FGL2: variants seen among roughly 807,000 people sequenced by gnomAD.
The protein encoded by FGL2 is fibrinogen like 2.
A neutral mutation model predicts 36.0 loss-of-function variants in FGL2; 21 were observed. That is an observed-to-expected ratio of 0.58 (90% CI 0.41 to 0.84). The LOEUF is 0.84. Among genes scored for constraint, FGL2 ranks in the 40% least tolerant of loss-of-function variants. FGL2 has a pLI of 0.00. For missense variants in FGL2, 444 were observed against 526.3 expected (o/e 0.84, Z 1.53); for synonymous variants, 183 against 190.7 (o/e 0.96, Z 0.33).
rs1318904630 is a variant in FGL2, at chr7:77,199,732, AC to A, written c.61del (p.Val21LeufsTer21). 2 of 1,614,108 alleles carry A rather than the reference AC, an allele frequency of 1.2e-6. No individual in the cohort carries two copies. The highest frequency in any genetic ancestry group is 1.7e-5 in the Admixed American group (1 of 60,006). ...TTCCTCTGTTTCATTGTTTGCCACAACCAAAAAACCGTAAGTGGCAAGAACA... is the reference window on the plus strand; with the variant it reads ...TTCCTCTGTTTCATTGTTTGCCACAACAAAAAACCGTAAGTGGCAAGAACA... ...SAVLATYGFL[V>X]VANNETEEIK... On this transcript the variant is annotated frameshift_variant, in exon 1 of 2. Coordinates refer to ENST00000248598, the MANE Select transcript of FGL2 (RefSeq NM_006682.3). LOFTEE classifies it high-confidence loss of function.
chr7:77,194,517 G>A lies in FGL2; in HGVS notation c.*1762C>T, dbSNP rs1051947690. The A allele has an allele frequency of 6.6e-6, 1 of 151,902 alleles. No individual in the cohort carries two copies. Among genetic ancestry groups the A allele is most frequent in the African/African-American group, 2.4e-5 (1 of 41,394 alleles). The allele number at this position is 151,902 out of a possible 1,614,324, so 9.4% of individuals were successfully genotyped here. A position where few individuals can be genotyped will look rare whatever the true frequency, so the allele number is the denominator to read the frequency against. On this transcript the variant is annotated 3_prime_UTR_variant, in exon 2 of 2. Transcript: ENST00000248598. ...TGTGATATATCATGTTTAACTGAAA[G>A]CTTTGGGTTATATATTTTAAAGGAA...
chr7:77,194,682 G>T lies in FGL2; in HGVS notation c.*1597C>A, dbSNP rs1005851408. 2 of 151,864 alleles carry T rather than the reference G, an allele frequency of 1.3e-5. No homozygotes were observed. The highest frequency in any genetic ancestry group is 2.9e-5 in the Non-Finnish European group (2 of 67,912). 9.4% of individuals were successfully genotyped at this position (151,864 alleles called of 1,614,324 possible). A position where few individuals can be genotyped will look rare whatever the true frequency, so the allele number is the denominator to read the frequency against. On this transcript the variant is annotated 3_prime_UTR_variant, in exon 2 of 2. Transcript: ENST00000248598. ...TTTGTAAATATATTTTGAAAACTTG[G>T]TTAGTGTATTAGAAACAGACACCAG...
Position 77,196,868 on chromosome 7 carries a change from A to G in FGL2, c.731T>C (p.Met244Thr), listed in dbSNP as rs1248558346. Reference protein sequence around the residue: ...KNSSFEVYCDMETMGGGWTVL... With the variant: ...KNSSFEVYCDTETMGGGWTVL... ...TGTCCAGCCTCCCCCCATGGTCTCCATGTCACAGTAAACTTCAAAGCTACT... is the reference window on the plus strand; with the variant it reads ...TGTCCAGCCTCCCCCCATGGTCTCCGTGTCACAGTAAACTTCAAAGCTACT... Residue 244 changes from methionine to threonine, a missense_variant, in exon 2 of 2, where the codon ATG (methionine) becomes ACG (threonine). By Grantham distance (81) the Met-to-Thr change is moderately conservative. Transcript: ENST00000248598. The surrounding 1 kb of genome is among the most constrained non-coding windows in gnomAD (Gnocchi z 4.2). 1.9e-6 allele frequency: 3 copies of G among 1,613,624 alleles called. No individual in the cohort carries two copies. Among genetic ancestry groups the G allele is most frequent in the East Asian group, 4.5e-5 (2 of 44,836 alleles).
At position 77,196,906 on chromosome 7, in the gene FGL2, A is replaced by G; in HGVS notation, c.693T>C (p.Pro231=). ...KRSSETYRVT[P]DPKNSSFEVY... is the part of the protein sequence containing the mutation. ...CTTCAAAGCTACTATTTTTGGGATC[A>G]GGTGTAACTCTGTAGGTCTCACTGC... Residue 231 remains proline (P), a synonymous_variant, in exon 2 of 2, where the codon CCT becomes CCC. Coordinates refer to ENST00000248598, the MANE Select transcript of FGL2 (RefSeq NM_006682.3). This position sits in a 1 kb window ranked among gnomAD's most constrained non-coding sequence, Gnocchi z 4.2. The G allele has an allele frequency of 6.2e-7, 1 of 1,613,956 alleles. No homozygotes were observed. Among genetic ancestry groups the G allele is most frequent in the Non-Finnish European group, 8.5e-7 (1 of 1,179,960 alleles).
Position 77,193,399 on chromosome 7 carries a change from T to G in FGL2, c.*2880A>C, listed in dbSNP as rs1419380525. 1.3e-5 allele frequency: 2 copies of G among 152,234 alleles called. No individual in the cohort carries two copies. The highest frequency in any genetic ancestry group is 2.9e-5 in the Non-Finnish European group (2 of 68,038). 9.4% of individuals were successfully genotyped at this position (152,234 alleles called of 1,614,324 possible). On this transcript the variant is annotated 3_prime_UTR_variant, in exon 2 of 2. Transcript: ENST00000248598. ...TTTTACAACCAACAATATTTAATATTTCCACATTGAAGAATAGATGTGATA... is the reference window on the plus strand; with the variant it reads ...TTTTACAACCAACAATATTTAATATGTCCACATTGAAGAATAGATGTGATA...
rs1562829284 is a variant in FGL2, at chr7:77,195,872, G to A, written c.*407C>T. The A allele has an allele frequency of 6.2e-6, 1 of 161,726 alleles. No individual in the cohort carries two copies. The allele number at this position is 161,726 out of a possible 1,614,324, so 10.0% of individuals were successfully genotyped here. ...GCGTTTCACATGTTTGGCCAGGCTG[G>A]TCTCAAACTCCTGACCTCAAGTGAT... On this transcript the variant is annotated 3_prime_UTR_variant, in exon 2 of 2. Transcript: ENST00000248598.
intron 1 of FGL2, chr7:77,198,290 G>T (rs913617186): frequency 1.0e-6 from 1 of 985,374 alleles, no homozygotes; most frequent in Non-Finnish European, 1.2e-6. Flanking sequence ...AGTGATCTCC[G>T]CCCTGTCCTT....
chr7:77,196,423 T>C lies in FGL2; in HGVS notation c.1176A>G (p.Lys392=). ...DACLSANLNG[K]YYHQKYRGVR... is the part of the protein sequence containing the mutation. Reference sequence around the variant, plus strand: ...CACCTCTGTATTTTTGGTGATAATATTTGCCATTTAAGTTTGCAGAAAGAC... The same window carrying C: ...CACCTCTGTATTTTTGGTGATAATACTTGCCATTTAAGTTTGCAGAAAGAC... The change falls in exon 2 of 2, where the codon AAA becomes AAG. Residue 392 remains lysine, a synonymous_variant. Coordinates refer to ENST00000248598, the MANE Select transcript of FGL2 (RefSeq NM_006682.3). This position sits in a 1 kb window ranked among gnomAD's most constrained non-coding sequence, Gnocchi z 4.2. 1 of 1,614,132 alleles carries C rather than the reference T, an allele frequency of 6.2e-7. No homozygotes were observed.
At chr7:77,198,269 CT>C in intron 1 of FGL2, 1 of 985,404 alleles carries the variant, frequency 1.0e-6, no homozygotes, top group Non-Finnish European at 1.2e-6. Context: ...GAGATACTGT[CT>C]CTAAATGAAA....
At position 77,199,668 on chromosome 7, in the gene FGL2, T is replaced by A. The variant is rs571305378; in HGVS notation, c.126A>T (p.Arg42Ser). The A allele has an allele frequency of 6.2e-7, 1 of 1,614,220 alleles. No individual in the cohort carries two copies. Among genetic ancestry groups the A allele is most frequent in the South Asian group, 1.1e-5 (1 of 91,084 alleles). ...CTTCGCATTTCCCTCTGCTTTCTAG[T>A]CTCACTGGGCAGACATCCTTTGCTC... ...DERAKDVCPV[R>S]LESRGKCEEA... Residue 42 changes from arginine (R) to serine (S), a missense_variant, in exon 1 of 2, where the codon AGA becomes AGT. By Grantham distance (110) the Arg-to-Ser change is moderately radical. Coordinates refer to ENST00000248598, the MANE Select transcript of FGL2 (RefSeq NM_006682.3).
rs1476839351 is a variant in FGL2, at chr7:77,193,911, G to A, written c.*2368C>T. The A allele has an allele frequency of 2.0e-5, 3 of 152,450 alleles. No individual in the cohort carries two copies. Among genetic ancestry groups the A allele is most frequent in the Non-Finnish European group, 2.9e-5 (2 of 67,962 alleles). The allele number at this position is 152,450 out of a possible 1,614,324, so 9.4% of individuals were successfully genotyped here. ...TATTGGTGAATAGTTAAGGCAAAAGGTTCTAGCAGATGTAATCTATTTCCA... is the reference window on the plus strand; with the variant it reads ...TATTGGTGAATAGTTAAGGCAAAAGATTCTAGCAGATGTAATCTATTTCCA... On this transcript the variant is annotated 3_prime_UTR_variant, in exon 2 of 2. Coordinates refer to ENST00000248598, the MANE Select transcript of FGL2 (RefSeq NM_006682.3).
intron 1 of FGL2, chr7:77,198,113 T>G: frequency 1.0e-6 from 1 of 984,828 alleles, no homozygotes; most frequent in Non-Finnish European, 1.2e-6. Flanking sequence ...GTATACCCAC[T>G]GATGTCACCT....
intron 1 of FGL2, 94 bp downstream of exon 1, chr7:77,199,087 C>A: frequency 9.6e-7 from 1 of 1,043,094 alleles, no homozygotes; most frequent in African/African-American, 1.6e-5. Context: ...AATCTGTCAT[C>A]TATTTAACTT....
rs765321540 is a variant in FGL2, at chr7:77,199,423, T to C, written c.371A>G (p.Glu124Gly). 3.7e-6 allele frequency: 6 copies of C among 1,614,108 alleles called. No individual in the cohort carries two copies. The highest frequency in any genetic ancestry group is 3.3e-4 in the Middle Eastern group (2 of 6,060). The change falls in exon 1 of 2, where the codon GAG becomes GGG. Residue 124 changes from glutamate to glycine, a missense_variant. By Grantham distance (98) the Glu-to-Gly change is moderately conservative. Coordinates refer to ENST00000248598, the MANE Select transcript of FGL2 (RefSeq NM_006682.3). ...TTCTCTAACTCTGTTATCACCAACC[T>C]CTCCCGGGGCTCCTGTACTGGGTAA... ...LLLPSTGAPG[E>G]VGDNRVRELE...
In FGL2 at chr7:77,195,375, CATT is replaced by C. The variant is rs750188962; in HGVS notation, c.*901_*903del. The C allele has an allele frequency of 1.2e-4, 18 of 152,132 alleles. No individual in the cohort carries two copies. Among genetic ancestry groups the C allele is most frequent in the Non-Finnish European group, 2.1e-4 (14 of 68,016 alleles). 9.4% of individuals were successfully genotyped at this position (152,132 alleles called of 1,614,324 possible). On this transcript the variant is annotated 3_prime_UTR_variant, in exon 2 of 2. Transcript: ENST00000248598. ...GCTTTCTGAATGCTTTTTGGGGTGA[CATT>C]ATGCTACCACATTTTTAAACGGTTT...
intron 1 of FGL2, among the ~76,000 whole-genome samples, chr7:77,197,732 G>A (rs1332345358): frequency 6.6e-6 from 1 of 152,110 alleles, no homozygotes; most frequent in Non-Finnish European, 1.5e-5. Flanking sequence ...AGAAGCTCAA[G>A]TGAAAAAGAA....
In FGL2 at chr7:77,196,645, C is replaced by A; in HGVS notation, c.954G>T (p.Gln318His). Reference sequence around the variant, plus strand: ...TGAGAAACTCATTAGCCACATAAAACTGATCATACAAGGCATATAGTTCGA... The same window carrying A: ...TGAGAAACTCATTAGCCACATAAAAATGATCATACAAGGCATATAGTTCGA... ...NGVELYALYDQFYVANEFLKY... is the reference protein window; with the variant it reads ...NGVELYALYDHFYVANEFLKY... The change falls in exon 2 of 2, where the codon CAG (glutamine) becomes CAT (histidine). Residue 318 changes from glutamine (Q) to histidine (H), a missense_variant. Transcript: ENST00000248598. This position sits in a 1 kb window ranked among gnomAD's most constrained non-coding sequence, Gnocchi z 4.2. The A allele has an allele frequency of 6.2e-7, 1 of 1,614,118 alleles. No homozygotes were observed. Among genetic ancestry groups the A allele is most frequent in the Non-Finnish European group, 8.5e-7 (1 of 1,179,948 alleles).
Position 77,196,481 on chromosome 7 carries a change from A to G in FGL2, c.1118T>C (p.Leu373Pro). Reference sequence around the variant, plus strand: ...AAACCACCAGCCTGAACTGTAGTACAGCCCACAGTTCCCAGAAGGATATCG... The same window carrying G: ...AAACCACCAGCCTGAACTGTAGTACGGCCCACAGTTCCCAGAAGGATATCG... ...NDRYPSGNCG[L>P]YYSSGWWFDA... Residue 373 changes from leucine to proline, a missense_variant, in exon 2 of 2, where the codon CTG becomes CCG. Leu to Pro is a moderately conservative substitution (Grantham distance 98, BLOSUM62 -3). Transcript: ENST00000248598. The surrounding 1 kb of genome is among the most constrained non-coding windows in gnomAD (Gnocchi z 4.2). 1 of 1,614,100 alleles carries G rather than the reference A, an allele frequency of 6.2e-7. No individual in the cohort carries two copies. The highest frequency in any genetic ancestry group is 8.5e-7 in the Non-Finnish European group (1 of 1,179,926).
Position 77,196,981 on chromosome 7 carries a change from TTGAAC to T in FGL2, c.614-1_617del, listed in dbSNP as rs1791885344. The T allele has an allele frequency of 8.2e-6, 13 of 1,582,004 alleles. 1 individual carries two copies. In the Middle Eastern group the frequency reaches 2.0e-3, roughly 245 times the overall value. On this transcript the variant is annotated splice_acceptor_variant and coding_sequence_variant, in exon 2 of 2. Coordinates refer to ENST00000248598, the MANE Select transcript of FGL2 (RefSeq NM_006682.3). LOFTEE classifies it high-confidence loss of function. This position sits in a 1 kb window ranked among gnomAD's most constrained non-coding sequence, Gnocchi z 4.2. ...CAGAGCAATCTTTATATATTAGATGTTGAACTGAAGGGGAAATAAAAGGAAGGCAT... is the reference window on the plus strand; with the variant it reads ...CAGAGCAATCTTTATATATTAGATGTTGAAGGGGAAATAAAAGGAAGGCAT...
Sources: allele counts gnomAD v4.1 joint callset (sites outside exome capture counted in the v4.1 genomes callset), GRCh38; gene constraint gnomAD v4.1.1; non-coding constraint Gnocchi (gnomAD v3.1); transcripts MANE v1.5; gene names NCBI Gene and HGNC (gene_info 2026-07-23, HGNC 2026-07-21).